SLC25A17: variants seen among roughly 807,000 people sequenced by gnomAD.
The protein encoded by SLC25A17 is peroxisomal membrane protein PMP34.
In SLC25A17, 26 loss-of-function variants were observed where a neutral mutation model predicts 38.5. That is an observed-to-expected ratio of 0.68 (90% CI 0.50 to 0.94). The LOEUF (loss-of-function observed/expected upper bound fraction) is 0.94. Among genes scored for constraint, SLC25A17 ranks in the 40% least tolerant of loss-of-function variants. The pLI, the probability that SLC25A17 is intolerant of heterozygous loss-of-function variation, is 0.00. For missense variants in SLC25A17, 333 were observed against 372.7 expected, an observed-to-expected ratio of 0.89 and a Z score of 0.88; for synonymous variants, 139 against 136.2, an observed-to-expected ratio of 1.02 and a Z score of -0.14.
Position 40,798,796 on chromosome 22 carries a change from G to A in SLC25A17, c.115+227C>T, listed in dbSNP as rs147278118. Among the ~76,000 whole-genome samples the A allele has an allele frequency of 3.6e-3, 542 of 151,486 alleles. 5 individuals are homozygous for A. The highest frequency in any genetic ancestry group is 0.012 in the African/African-American group (516 of 41,310). Reference sequence around the variant, plus strand: ...AGTCTGGCCCATATGGTGAAACACCGTCTGTACTAAAAAAGAGGTTCCTGT... The same window carrying A: ...AGTCTGGCCCATATGGTGAAACACCATCTGTACTAAAAAAGAGGTTCCTGT... On this transcript the variant is annotated intron_variant, in intron 2 of 8. Coordinates refer to ENST00000435456, the MANE Select transcript of SLC25A17 (RefSeq NM_006358.4).
At chr22:40,773,028 G>A (rs893477065) in intron 8 of SLC25A17, among the ~76,000 whole-genome samples, 1 of 152,024 alleles carries the variant, frequency 6.6e-6, no homozygotes, top group East Asian at 1.9e-4. Context: ...CTTCAAAGGA[G>A]GTCCCTGACT....
chr22:40,812,459 A>G (rs2057592277), intron 1 of SLC25A17, among the ~76,000 whole-genome samples: 1 of 152,168 alleles, frequency 6.6e-6, no homozygotes, highest in Non-Finnish European at 1.5e-5. Flanking sequence ...TAAATACAGA[A>G]GCATATTTTC....
In SLC25A17 at chr22:40,771,124, T is replaced by C. The variant is rs187516377; in HGVS notation, c.777-143A>G. The C allele has an allele frequency of 1.9e-3, 1,447 of 749,124 alleles. 5 individuals carry two copies. The highest frequency in any genetic ancestry group is 1.5e-3 in the Non-Finnish European group (756 of 509,452). The allele number at this position is 749,124 out of a possible 1,614,324, so 46.4% of individuals were successfully genotyped here. A position where few individuals can be genotyped will look rare whatever the true frequency, so the allele number is the denominator to read the frequency against. ...CTGTTGTCAAAGTACTTTCCTTTTT[T>C]TGAGACGGAGTCTCGCTCTGTCGCC... On this transcript the variant is annotated intron_variant, in intron 8 of 8. Transcript: ENST00000435456.
At chr22:40,814,484 T>C (rs2057614572) in intron 1 of SLC25A17, among the ~76,000 whole-genome samples, 1 of 152,182 alleles carries the variant, frequency 6.6e-6, no homozygotes, top group Admixed American at 6.5e-5. Context: ...TATACTATTA[T>C]ATATGATTTA....
chr22:40,786,818 T>C (rs1360355549), intron 4 of SLC25A17, among the ~76,000 whole-genome samples: 1 of 152,138 alleles, frequency 6.6e-6, no homozygotes, highest in East Asian at 1.9e-4. Context: ...TTCAAGATTT[T>C]TGGTGGAGCA....
At position 40,775,436 on chromosome 22, in the gene SLC25A17, G is replaced by GTT. The variant is rs71200615; in HGVS notation, c.694-1419_694-1418dup. Among the ~76,000 whole-genome samples, 247 of 86,842 alleles carry GTT rather than the reference G, an allele frequency of 2.8e-3. 55 individuals are homozygous for GTT. Among genetic ancestry groups the GTT allele is most frequent in the Non-Finnish European group, 3.1e-3 (136 of 44,350 alleles). The allele number at this position is 86,842 out of a possible 152,430, so 57.0% of individuals were successfully genotyped here. Reference sequence around the variant, plus strand: ...TGAATAAGTCTCATGAGATCTGATGGTTTTTTTTTTTTTTTTTTTTTTTTT... The same window carrying GTT: ...TGAATAAGTCTCATGAGATCTGATGGTTTTTTTTTTTTTTTTTTTTTTTTTTT... On this transcript the variant is annotated intron_variant, in intron 7 of 8. Transcript: ENST00000435456.
intron 4 of SLC25A17, among the ~76,000 whole-genome samples, chr22:40,782,566 AAC>A (rs2057304414): frequency 6.6e-6 from 1 of 152,246 alleles, no homozygotes; most frequent in Non-Finnish European, 1.5e-5. Flanking sequence ...ACGGAGAGAA[AAC>A]ACAAACGAAG....
rs1421653957 is a variant in SLC25A17 at position 40,789,658 on chromosome 22, TACCAC to T, written c.334+2862_334+2866del. Among the ~76,000 whole-genome samples the T allele has an allele frequency of 1.5e-4, 23 of 152,020 alleles. No homozygotes were observed. The East Asian group carries it at 2.5e-3, about 17-fold the overall frequency. ...AGTAGGTGGAATTACAGGCACCTGC[TACCAC>T]ACCTGGCTAATTTTTTGTATTTTCA... is the stretch of plus-strand genomic sequence containing the variant. On this transcript the variant is annotated intron_variant, in intron 4 of 8. Coordinates refer to ENST00000435456, the MANE Select transcript of SLC25A17 (RefSeq NM_006358.4). The surrounding 1 kb of genome is among the most constrained non-coding windows in gnomAD (Gnocchi z 4.5).
At chr22:40,808,303 C>A (rs1369651589) in intron 1 of SLC25A17, among the ~76,000 whole-genome samples, 1 of 152,176 alleles carries the variant, frequency 6.6e-6, no homozygotes, top group South Asian at 2.1e-4. Context: ...TGACTTCCTA[C>A]ACTATATTGG....
At chr22:40,812,993 C>T (rs184946514) in intron 1 of SLC25A17, among the ~76,000 whole-genome samples, 158 of 152,186 alleles carry the variant, frequency 1.0e-3, no homozygotes, top group African/African-American at 3.2e-3. Context: ...TGTTATTCAC[C>T]TCATCAGAGT....
At chr22:40,816,854 G>A (rs1202670500) in intron 1 of SLC25A17, among the ~76,000 whole-genome samples, 3 of 151,944 alleles carry the variant, frequency 2.0e-5, no homozygotes, top group Admixed American at 6.6e-5. Context: ...CAGGCGATCC[G>A]CCTGCCTCAG....
intron 1 of SLC25A17, among the ~76,000 whole-genome samples, chr22:40,815,028 T>C (rs1252288640): frequency 6.6e-6 from 1 of 151,554 alleles, no homozygotes; most frequent in Non-Finnish European, 1.5e-5. Context: ...ACCGTGTTAG[T>C]CAGGATGGTC....
chr22:40,801,330 T>C lies in SLC25A17; in HGVS notation c.55-2247A>G, dbSNP rs942597459. ...CCTCTCCCCGCCTATCAGCTTACAATTGGTTGTTCAGTCCTCTAGGGTGCC... is the reference window on the plus strand; with the variant it reads ...CCTCTCCCCGCCTATCAGCTTACAACTGGTTGTTCAGTCCTCTAGGGTGCC... On this transcript the variant is annotated intron_variant, in intron 1 of 8. Transcript: ENST00000435456. Among the ~76,000 whole-genome samples, 31 of 151,870 alleles carry C rather than the reference T, an allele frequency of 2.0e-4. 1 individual carries two copies. The highest frequency in any genetic ancestry group is 3.2e-4 in the Non-Finnish European group (22 of 67,974).
In SLC25A17 at chr22:40,782,037, C is replaced by T. The variant is rs543501377; in HGVS notation, c.335-2912G>A. ...GAGTTAGAGACCAGCCTGGCCAACA[C>T]GGCGAAACCCTGTTTCTACTAAGAA... On this transcript the variant is annotated intron_variant, in intron 4 of 8. Coordinates refer to ENST00000435456, the MANE Select transcript of SLC25A17 (RefSeq NM_006358.4). Among the ~76,000 whole-genome samples the T allele has an allele frequency of 9.3e-4, 142 of 152,144 alleles. 1 individual carries two copies. Among genetic ancestry groups the T allele is most frequent in the African/African-American group, 3.3e-3 (135 of 41,504 alleles).
At chr22:40,810,330 G>A (rs1189868531) in intron 1 of SLC25A17, among the ~76,000 whole-genome samples, 2 of 151,270 alleles carry the variant, frequency 1.3e-5, no homozygotes, top group African/African-American at 4.9e-5. Context: ...CAAATTCATA[G>A]CTATGCATTA....
intron 1 of SLC25A17, among the ~76,000 whole-genome samples, chr22:40,816,661 A>G (rs2057643664): frequency 6.9e-6 from 1 of 144,486 alleles, no homozygotes. Flanking sequence ...CCCAGGCTGG[A>G]GTGCAATGGC....
intron 1 of SLC25A17, among the ~76,000 whole-genome samples, chr22:40,800,476 G>A (rs1038198880): frequency 2.0e-5 from 3 of 152,174 alleles, no homozygotes; most frequent in African/African-American, 7.2e-5. Context: ...ATAGTTCACT[G>A]TAACCTTGAA....
chr22:40,784,477 T>A (rs1201071594), intron 4 of SLC25A17: 2 of 159,680 alleles, frequency 1.3e-5, no homozygotes, highest in Non-Finnish European at 2.8e-5. Flanking sequence ...TTTTATTTTT[T>A]AAAATAAATA....
chr22:40,803,495 G>A (rs1323318424), intron 1 of SLC25A17, among the ~76,000 whole-genome samples: 1 of 152,132 alleles, frequency 6.6e-6, no homozygotes, highest in Non-Finnish European at 1.5e-5. Context: ...ATTTCATTCT[G>A]TTTTACAGCT....
Sources: gnomAD v4.1 joint callset for allele counts (sites outside exome capture counted in the v4.1 genomes callset) on GRCh38, gnomAD v4.1.1 for gene constraint, Gnocchi (gnomAD v3.1) non-coding constraint, MANE v1.5 for transcripts, NCBI Gene and HGNC (gene_info 2026-07-23, HGNC 2026-07-21) for gene names.